LRMDA: variants seen among roughly 807,000 people sequenced by gnomAD.
LRMDA encodes leucine-rich melanocyte differentiation-associated protein.
LRMDA carries 18 observed loss-of-function variants against 29.8 expected under a neutral mutation model. That is an observed-to-expected ratio of 0.60 (90% CI 0.42 to 0.90). The LOEUF (loss-of-function observed/expected upper bound fraction) is 0.90. Ranked by LOEUF, LRMDA falls within the 40% of genes least tolerant of loss-of-function variation. The probability of loss-of-function intolerance (pLI) is 0.00; values close to 1 mark genes in which losing one functional copy is unlikely to be tolerated. For synonymous variants in LRMDA, 125 were observed against 109.4 expected (o/e 1.14, Z -0.89); for missense variants, 273 against 273.9 (o/e 1.00, Z 0.02).
At chr10:76,209,225 G>GGTC (rs1851592108) in intron 5 of LRMDA, among the ~76,000 whole-genome samples, 1 of 152,076 alleles carries the variant, frequency 6.6e-6, no homozygotes, top group Non-Finnish European at 1.5e-5. Flanking sequence ...AAGCTAAGGA[G>GGTC]AGTCACTCTC....
chr10:76,301,305 T>C (rs1364419198), intron 5 of LRMDA, among the ~76,000 whole-genome samples: 1 of 152,194 alleles, frequency 6.6e-6, no homozygotes, highest in Non-Finnish European at 1.5e-5. Flanking sequence ...AAACAGCTTA[T>C]AAATTTTTAC....
At chr10:75,811,229 G>A (rs1004148665) in intron 2 of LRMDA, among the ~76,000 whole-genome samples, 9 of 152,158 alleles carry the variant, frequency 5.9e-5, no homozygotes, top group African/African-American at 2.2e-4. Flanking sequence ...TTACATGGTT[G>A]CCTGTCTGGT....
intron 2 of LRMDA, among the ~76,000 whole-genome samples, chr10:75,479,211 A>G (rs1844829950): frequency 6.6e-6 from 1 of 152,154 alleles, no homozygotes; most frequent in Admixed American, 6.6e-5. Flanking sequence ...GAACACCTGA[A>G]AAGTACACCC....
At chr10:75,473,564 T>C (rs1844752407) in intron 2 of LRMDA, among the ~76,000 whole-genome samples, 1 of 152,314 alleles carries the variant, frequency 6.6e-6, no homozygotes, top group East Asian at 1.9e-4. Context: ...CTGCAGAAAG[T>C]GCACTTAGGA....
chr10:76,035,803 G>A (rs777611650), intron 2 of LRMDA, among the ~76,000 whole-genome samples: 4 of 152,184 alleles, frequency 2.6e-5, no homozygotes, highest in Non-Finnish European at 5.9e-5. Context: ...ATGCGTGAAG[G>A]ATGCGGTGGG....
chr10:75,525,592 C>CTT (rs11415547), intron 2 of LRMDA, among the ~76,000 whole-genome samples: 16,398 of 129,590 alleles, frequency 0.13, 1,278 homozygotes, highest in Non-Finnish European at 0.17. Context: ...TTCTTTCTTT[C>CTT]TTTTTTTTTT....
intron 2 of LRMDA, among the ~76,000 whole-genome samples, chr10:75,628,991 G>A (rs941090223): frequency 1.3e-5 from 2 of 152,224 alleles, no homozygotes; most frequent in African/African-American, 4.8e-5. Flanking sequence ...CATTTTTAAT[G>A]TCTCCCCTTC....
chr10:76,471,599 T>C (rs1247537531), intron 6 of LRMDA, among the ~76,000 whole-genome samples: 1 of 151,472 alleles, frequency 6.6e-6, no homozygotes, highest in Non-Finnish European at 1.5e-5. Context: ...TATAAATGGA[T>C]TAAGCAACTG....
intron 2 of LRMDA, among the ~76,000 whole-genome samples, chr10:75,811,001 T>C (rs947600855): frequency 6.6e-6 from 1 of 152,074 alleles, no homozygotes; most frequent in Non-Finnish European, 1.5e-5. Context: ...AGGAGCTGGG[T>C]CCAGGGCCCA....
chr10:75,764,680 C>T (rs548325788), intron 2 of LRMDA, among the ~76,000 whole-genome samples: 16 of 152,222 alleles, frequency 1.1e-4, no homozygotes, highest in African/African-American at 1.9e-4. Context: ...GACAGATAGA[C>T]GGGAGAATGA....
chr10:76,418,864 T>C (rs562695421), intron 6 of LRMDA, among the ~76,000 whole-genome samples: 57 of 152,238 alleles, frequency 3.7e-4, no homozygotes, highest in Middle Eastern at 6.8e-3. Context: ...GGTGATCATT[T>C]GCTTTTCTCC....
At chr10:76,010,221 C>T (rs985883030) in intron 2 of LRMDA, among the ~76,000 whole-genome samples, 4 of 151,958 alleles carry the variant, frequency 2.6e-5, no homozygotes, top group African/African-American at 9.7e-5. Context: ...CTTTGTGTCA[C>T]TTTTGGTCTA....
At chr10:75,433,666 G>C (rs1009752026) in intron 1 of LRMDA, among the ~76,000 whole-genome samples, 1 of 152,240 alleles carries the variant, frequency 6.6e-6, no homozygotes, top group South Asian at 2.1e-4. Flanking sequence ...TCAGACTTTA[G>C]TAGATCCTTC....
At chr10:75,724,877 G>A (rs1412836130) in intron 2 of LRMDA, among the ~76,000 whole-genome samples, 1 of 152,152 alleles carries the variant, frequency 6.6e-6, no homozygotes, top group Non-Finnish European at 1.5e-5. Context: ...CTAGATGCCT[G>A]TCTCCAGAAC....
chr10:76,144,945 G>A (rs1850282619), intron 5 of LRMDA, among the ~76,000 whole-genome samples: 1 of 152,204 alleles, frequency 6.6e-6, no homozygotes. Flanking sequence ...CATCTATTGA[G>A]ATAATCCTGT....
intron 2 of LRMDA, among the ~76,000 whole-genome samples, chr10:75,705,707 G>A (rs954438304): frequency 6.6e-6 from 1 of 152,168 alleles, no homozygotes. Context: ...GTGCAGGAGA[G>A]CAACATTTCA....
intron 5 of LRMDA, among the ~76,000 whole-genome samples, chr10:76,222,710 C>T (rs181155043): frequency 4.7e-4 from 72 of 152,258 alleles, no homozygotes; most frequent in Admixed American, 1.1e-3. Context: ...GTCAGTGTGG[C>T]GATTCCTTGG....
chr10:75,758,554 G>T (rs937305872), intron 2 of LRMDA, among the ~76,000 whole-genome samples: 4 of 152,198 alleles, frequency 2.6e-5, no homozygotes, highest in Non-Finnish European at 1.5e-5. Context: ...GCTAGGCTGG[G>T]TCCGCCAAAT....
chr10:76,511,017 C>T (rs1429687672), intron 6 of LRMDA, among the ~76,000 whole-genome samples: 1 of 152,136 alleles, frequency 6.6e-6, no homozygotes, highest in East Asian at 1.9e-4. Context: ...AGTCTGTAAC[C>T]TTATCCTTAT....
Sources: allele counts gnomAD v4.1 joint callset (sites outside exome capture counted in the v4.1 genomes callset), GRCh38; gene constraint gnomAD v4.1.1; transcripts MANE v1.5; gene names NCBI Gene and HGNC (gene_info 2026-07-23, HGNC 2026-07-21).